HLCS: variants seen among roughly 807,000 people sequenced by gnomAD.
The protein encoded by HLCS is biotin--protein ligase.
In HLCS, 53 loss-of-function variants were observed where a neutral mutation model predicts 75.0. The ratio of observed to expected loss-of-function variants is 0.71; its 90% CI spans 0.57 to 0.89. HLCS has a LOEUF of 0.89. Among genes scored for constraint, HLCS ranks in the 40% least tolerant of loss-of-function variants. The pLI is 0.00. For synonymous variants in HLCS, 431 were observed against 428.6 expected, an observed-to-expected ratio of 1.01 and a Z score of -0.07; for missense variants, 966 against 1,074.0, an observed-to-expected ratio of 0.90 and a Z score of 1.41.
intron 1 of HLCS, among the ~76,000 whole-genome samples, chr21:36,965,220 G>A (rs995423596): frequency 5.3e-5 from 8 of 152,152 alleles, no homozygotes; most frequent in African/African-American, 1.9e-4. Flanking sequence ...TCCCCACAGG[G>A]GCTTTACGGT....
intron 8 of HLCS, among the ~76,000 whole-genome samples, chr21:36,764,106 A>G (rs2089948982): frequency 6.6e-6 from 1 of 152,228 alleles, no homozygotes; most frequent in Non-Finnish European, 1.5e-5. Context: ...TCAAACAAAA[A>G]ACAAACATGC....
chr21:36,888,323 T>G (rs993396243), intron 6 of HLCS, among the ~76,000 whole-genome samples: 7 of 151,270 alleles, frequency 4.6e-5, no homozygotes, highest in African/African-American at 1.7e-4. Flanking sequence ...TAGGTAGGTG[T>G]GCACAAAGCT....
intron 5 of HLCS, 141 bp from the exon 6 acceptor site, chr21:36,897,272 C>A: frequency 3.9e-6 from 3 of 772,826 alleles, no homozygotes; most frequent in South Asian, 1.6e-5. Flanking sequence ...ATATTCCATA[C>A]ATCTAAACGA....
chr21:36,768,982 T>C (rs1324535936), intron 6 of HLCS, among the ~76,000 whole-genome samples: 2 of 152,124 alleles, frequency 1.3e-5, no homozygotes, highest in Non-Finnish European at 2.9e-5. Flanking sequence ...GGGGATGATT[T>C]AGCGTGTTGT....
At chr21:36,850,048 T>C (rs1189835327) in intron 6 of HLCS, among the ~76,000 whole-genome samples, 3 of 152,190 alleles carry the variant, frequency 2.0e-5, no homozygotes. Flanking sequence ...AAAATGGGTC[T>C]GGTGGCAGAG....
intron 6 of HLCS, among the ~76,000 whole-genome samples, chr21:36,881,552 C>A (rs2064215794): frequency 6.6e-6 from 1 of 152,234 alleles, no homozygotes; most frequent in Admixed American, 6.5e-5. Flanking sequence ...CACACATATT[C>A]CGTGTTGATG....
chr21:36,945,539 TAAGTGAAAG>T (rs929929193), intron 2 of HLCS, among the ~76,000 whole-genome samples: 2 of 152,204 alleles, frequency 1.3e-5, no homozygotes. Flanking sequence ...TACATTACAT[TAAGTGAAAG>T]AAGCCAACAA....
chr21:36,850,649 G>A (rs1292598433), intron 6 of HLCS, among the ~76,000 whole-genome samples: 5 of 152,190 alleles, frequency 3.3e-5, no homozygotes, highest in South Asian at 2.1e-4. Context: ...GTGGAATGGC[G>A]AAGGGAGAGG....
rs541880587 is a variant in HLCS at position 36,810,144 on chromosome 21, G to T, written c.1893-42859C>A. 1.2e-3 allele frequency among the ~76,000 whole-genome samples: 180 copies of T among 152,266 alleles called. 2 individuals carry two copies. The highest frequency in any genetic ancestry group is 4.0e-3 in the African/African-American group (167 of 41,548). ...ATTTGATTTCTCTTTTTCTTGATTTGAGACAGTATTCTATTTCCTTGGTTC... is the reference window on the plus strand; with the variant it reads ...ATTTGATTTCTCTTTTTCTTGATTTTAGACAGTATTCTATTTCCTTGGTTC... On this transcript the variant is annotated intron_variant, in intron 6 of 10. Coordinates refer to ENST00000674895, the MANE Select transcript of HLCS (RefSeq NM_001352514.2).
intron 6 of HLCS, among the ~76,000 whole-genome samples, chr21:36,819,413 GA>G (rs752343679): frequency 5.9e-5 from 9 of 152,074 alleles, no homozygotes; most frequent in Non-Finnish European, 1.2e-4. Context: ...TGTATGAATC[GA>G]ATATTACACT....
In HLCS at chr21:36,821,409, T is replaced by A. The variant is rs1414994993; in HGVS notation, c.1893-54124A>T. On this transcript the variant is annotated intron_variant, in intron 6 of 10. Transcript: ENST00000674895. ...AGAAGATGTGGAAGAGTGGGTTGACTACAATTGCTAGACATCCGTTCATTC... is the reference window on the plus strand; with the variant it reads ...AGAAGATGTGGAAGAGTGGGTTGACAACAATTGCTAGACATCCGTTCATTC... Among the ~76,000 whole-genome samples the A allele has an allele frequency of 2.0e-5, 3 of 152,182 alleles. No individual in the cohort carries two copies. In the South Asian group the frequency reaches 6.2e-4, roughly 31 times the overall value.
chr21:36,912,344 G>A (rs1277433780), intron 5 of HLCS, among the ~76,000 whole-genome samples: 4 of 149,932 alleles, frequency 2.7e-5, no homozygotes, highest in Non-Finnish European at 5.9e-5. Flanking sequence ...TTATAACATG[G>A]ATGGACCTTG....
At chr21:36,988,890 G>T (rs2069279127) in intron 1 of HLCS, among the ~76,000 whole-genome samples, 1 of 151,996 alleles carries the variant, frequency 6.6e-6, no homozygotes. Flanking sequence ...TTCCCTCAAT[G>T]TTTGAGTTAT....
chr21:36,848,639 T>C (rs949466717), intron 6 of HLCS, among the ~76,000 whole-genome samples: 9 of 152,234 alleles, frequency 5.9e-5, no homozygotes, highest in African/African-American at 2.2e-4. Flanking sequence ...TTTTCCTCCA[T>C]TAGTAACCTG....
chr21:36,841,239 C>T (rs552852947), intron 6 of HLCS, among the ~76,000 whole-genome samples: 15 of 152,244 alleles, frequency 9.9e-5, no homozygotes, highest in South Asian at 8.3e-4. Flanking sequence ...AATATGTTAA[C>T]CAAGGATATT....
chr21:36,812,685 G>C (rs2061547017), intron 6 of HLCS, among the ~76,000 whole-genome samples: 1 of 152,076 alleles, frequency 6.6e-6, no homozygotes, highest in Admixed American at 6.5e-5. Context: ...GAGCAAGCCA[G>C]AGACAACATA....
intron 1 of HLCS, among the ~76,000 whole-genome samples, chr21:36,972,606 A>G (rs188743193): frequency 1.3e-3 from 199 of 152,360 alleles, no homozygotes; most frequent in Non-Finnish European, 2.3e-3. Context: ...CTAATCCAGT[A>G]AAACTGAGTT....
At chr21:36,980,196 T>TAAA (rs113653823) in intron 1 of HLCS, among the ~76,000 whole-genome samples, 47,467 of 139,450 alleles carry the variant, frequency 0.34, 8,454 homozygotes, top group East Asian at 0.49. Flanking sequence ...TGACTATATT[T>TAAA]AAAAAAAAAA....
At chr21:36,862,945 C>CTCT (rs1569115082) in intron 6 of HLCS, among the ~76,000 whole-genome samples, 1 of 140,022 alleles carries the variant, frequency 7.1e-6, no homozygotes, top group South Asian at 2.3e-4. Flanking sequence ...CTCTTTCTCT[C>CTCT]TTTTTTTTTT....
Sources: allele counts gnomAD v4.1 joint callset (sites outside exome capture counted in the v4.1 genomes callset), GRCh38; gene constraint gnomAD v4.1.1; transcripts MANE v1.5; gene names NCBI Gene and HGNC (gene_info 2026-07-23, HGNC 2026-07-21).